LDLRAD3: variants seen among roughly 807,000 people sequenced by gnomAD.
LDLRAD3 encodes low density lipoprotein receptor class A domain containing 3.
Under a neutral mutation model 29.4 loss-of-function variants are expected in LDLRAD3, and 20 were observed. The observed-to-expected ratio is 0.68, with a 90% CI of 0.48 to 0.99. The LOEUF is 0.99. Ranked by LOEUF, LDLRAD3 falls within the 50% of genes least tolerant of loss-of-function variation. LDLRAD3 has a pLI of 0.00. For missense variants in LDLRAD3, 420 were observed against 454.3 expected (o/e 0.92, Z 0.69); for synonymous variants, 157 against 192.7 (o/e 0.81, Z 1.53).
At chr11:36,151,759 T>C (rs1314948260) in intron 4 of LDLRAD3, among the ~76,000 whole-genome samples, 2 of 152,170 alleles carry the variant, frequency 1.3e-5, no homozygotes, top group Non-Finnish European at 2.9e-5. Context: ...GGCGCTAGCA[T>C]GAATTCTACC....
chr11:36,054,983 ATG>A (rs1852594210), intron 2 of LDLRAD3, among the ~76,000 whole-genome samples: 2 of 120,680 alleles, frequency 1.7e-5, no homozygotes, highest in Admixed American at 1.9e-4. Context: ...GGATGGATGG[ATG>A]GATGGATGGA....
chr11:36,108,213 T>C (rs56174990), intron 4 of LDLRAD3, among the ~76,000 whole-genome samples: 30,496 of 149,290 alleles, frequency 0.2, 3,204 homozygotes, highest in Admixed American at 0.28. Flanking sequence ...CCAGCTACTC[T>C]GGAGGCTGAG....
At chr11:35,975,745 G>A (rs746050630) in intron 1 of LDLRAD3, among the ~76,000 whole-genome samples, 13 of 152,238 alleles carry the variant, frequency 8.5e-5, no homozygotes, top group Non-Finnish European at 1.3e-4. Flanking sequence ...GGATGATGCC[G>A]TGATTCATGA....
At chr11:35,982,848 CTTTTTTTTTTTT>C (rs61605411) in intron 1 of LDLRAD3, among the ~76,000 whole-genome samples, 2 of 88,728 alleles carry the variant, frequency 2.3e-5, no homozygotes, top group Non-Finnish European at 3.9e-5. Flanking sequence ...CTGTTTGCTG[CTTTTTTTTTTTT>C]TTTTTTTTTT....
At chr11:36,074,683 G>A (rs759199743) in intron 2 of LDLRAD3, among the ~76,000 whole-genome samples, 7 of 152,204 alleles carry the variant, frequency 4.6e-5, no homozygotes, top group Non-Finnish European at 7.3e-5. Flanking sequence ...CACTCTCAGC[G>A]TAGATGGCAA....
chr11:36,170,337 T>TATGTACATAC (rs1854580168), intron 4 of LDLRAD3, among the ~76,000 whole-genome samples: 1 of 149,978 alleles, frequency 6.7e-6, no homozygotes, highest in African/African-American at 2.4e-5. Context: ...TATGTACGTA[T>TATGTACATAC]ATACGTATAT....
chr11:36,115,071 A>G (rs1853656013), intron 4 of LDLRAD3, among the ~76,000 whole-genome samples: 1 of 152,162 alleles, frequency 6.6e-6, no homozygotes, highest in South Asian at 2.1e-4. Context: ...CCACCATGTG[A>G]ATGTGGTGCC....
At chr11:36,167,631 A>C (rs7943467) in intron 4 of LDLRAD3, among the ~76,000 whole-genome samples, 10,417 of 152,212 alleles carry the variant, frequency 0.068, 580 homozygotes, top group East Asian at 0.33. Context: ...AGATAGCCAG[A>C]AACCACCAGC....
At chr11:36,146,088 T>TA (rs1377201445) in intron 4 of LDLRAD3, among the ~76,000 whole-genome samples, 1 of 150,486 alleles carries the variant, frequency 6.6e-6, no homozygotes, top group Non-Finnish European at 1.5e-5. Context: ...TAACACCAGG[T>TA]AAATAGCCAA....
intron 1 of LDLRAD3, among the ~76,000 whole-genome samples, chr11:36,017,289 T>C (rs1358270830): frequency 2.6e-5 from 4 of 152,156 alleles, no homozygotes; most frequent in Non-Finnish European, 5.9e-5. Flanking sequence ...TTCTGGGGCA[T>C]TTTTCTGCCA....
intron 4 of LDLRAD3, among the ~76,000 whole-genome samples, chr11:36,126,488 T>C (rs1853839195): frequency 6.6e-6 from 1 of 152,178 alleles, no homozygotes; most frequent in Admixed American, 6.5e-5. Flanking sequence ...AATTCCAGCA[T>C]GCAGGGAAGA....
chr11:36,172,682 G>C (rs1331803665), intron 4 of LDLRAD3, among the ~76,000 whole-genome samples: 1 of 152,136 alleles, frequency 6.6e-6, no homozygotes, highest in Non-Finnish European at 1.5e-5. Context: ...AAACTCACTT[G>C]ATCATGGTTG....
chr11:36,119,455 T>G (rs979175739), intron 4 of LDLRAD3, among the ~76,000 whole-genome samples: 1 of 152,178 alleles, frequency 6.6e-6, no homozygotes, highest in Non-Finnish European at 1.5e-5. Context: ...CAGCAGTGCA[T>G]GAAGGTTCTG....
In LDLRAD3 at chr11:35,974,475, C is replaced by T. The variant is rs192032566; in HGVS notation, c.46+30331C>T. ...TGTCACAGTTTCTGCGGGCCAGGAG[C>T]CTGGATACAGCTTAGCTGGGCTCTC... On this transcript the variant is annotated intron_variant, in intron 1 of 5. Coordinates refer to ENST00000315571, the MANE Select transcript of LDLRAD3 (RefSeq NM_174902.4). 9.5e-4 allele frequency among the ~76,000 whole-genome samples: 144 copies of T among 152,302 alleles called. 2 individuals are homozygous for T. Among genetic ancestry groups the T allele is most frequent in the Non-Finnish European group, 2.4e-4 (16 of 68,030 alleles).
chr11:36,012,007 C>G (rs1031078888), intron 1 of LDLRAD3, among the ~76,000 whole-genome samples: 1 of 152,094 alleles, frequency 6.6e-6, no homozygotes, highest in Non-Finnish European at 1.5e-5. Context: ...CTATTTTCTT[C>G]GAAAGTGATT....
chr11:36,189,972 C>G (rs951889018), intron 4 of LDLRAD3, among the ~76,000 whole-genome samples: 1 of 150,552 alleles, frequency 6.6e-6, no homozygotes, highest in Non-Finnish European at 1.5e-5. Flanking sequence ...TTTTAGTGTC[C>G]CACACTTAAA....
At chr11:36,186,940 G>A (rs1336593630) in intron 4 of LDLRAD3, among the ~76,000 whole-genome samples, 1 of 152,146 alleles carries the variant, frequency 6.6e-6, no homozygotes, top group Non-Finnish European at 1.5e-5. Flanking sequence ...GTTGATAGTG[G>A]AGCTTGCATA....
chr11:36,164,288 ATTTAAAATACCCAAGTGTTGC>A (rs1230308832), intron 4 of LDLRAD3, among the ~76,000 whole-genome samples: 9 of 152,238 alleles, frequency 5.9e-5, no homozygotes, highest in Admixed American at 5.9e-4. Flanking sequence ...TGTTTCACCT[ATTTAAAATACCCAAGTGTTGC>A]TTTATTTAAA....
intron 4 of LDLRAD3, among the ~76,000 whole-genome samples, chr11:36,118,075 G>T (rs539577062): frequency 6.6e-6 from 1 of 152,150 alleles, no homozygotes. Flanking sequence ...CAGTGTTGGC[G>T]TAGGGGTGGA....
Sources: gnomAD v4.1 joint callset for allele counts (sites outside exome capture counted in the v4.1 genomes callset) on GRCh38, gnomAD v4.1.1 for gene constraint, MANE v1.5 for transcripts, NCBI Gene and HGNC (gene_info 2026-07-23, HGNC 2026-07-21) for gene names.